The following SLC34A3 variants were observed in gnomAD, a reference collection of about 807,000 sequenced individuals.
SLC34A3 encodes sodium-dependent phosphate transport protein 2C.
A neutral mutation model predicts 43.9 loss-of-function variants in SLC34A3; 60 were observed. The ratio of observed to expected loss-of-function variants is 1.37; its 90% confidence interval spans 1.11 to 1.70. The LOEUF (loss-of-function observed/expected upper bound fraction) is 1.70, where lower values mean the gene tolerates loss of function less well. Ranked by LOEUF, SLC34A3 falls within the 40% of genes most tolerant of loss-of-function variation. The probability of loss-of-function intolerance (pLI) is 0.00; values close to 1 mark genes in which losing one functional copy is unlikely to be tolerated. For synonymous variants in SLC34A3, 451 were observed against 386.2 expected, an observed-to-expected ratio of 1.17 and a Z score of -1.97; for missense variants, 969 against 823.8, an observed-to-expected ratio of 1.18 and a Z score of -2.16.
chr9:137,235,568 C>T (rs967323329), intron 12 of SLC34A3, among the ~76,000 whole-genome samples: 7 of 152,210 alleles, frequency 4.6e-5, no homozygotes, highest in African/African-American at 1.7e-4. Context: ...CCTCCTGTGG[C>T]CCTGTGCCTC....
Position 137,236,020 on chromosome 9 carries a change from G to A in SLC34A3, c.1404G>A (p.Arg468=), listed in dbSNP as rs751060883. 5.0e-6 allele frequency: 8 copies of A among 1,612,508 alleles called. No individual in the cohort carries two copies. In the Admixed American group the frequency reaches 1.3e-4, roughly 27 times the overall value. ...TGTGGTACCTGGTGCCTGCACTGCG[G>A]CTGCCCATCCCGCTGGCCAGGCACT... is the stretch of plus-strand genomic sequence containing the variant. The part of the protein sequence containing the change: ...ILLWYLVPAL[R]LPIPLARHFG... The change falls in exon 13 of 13, where the codon CGG becomes CGA. Residue 468 remains arginine (R), a synonymous_variant. Transcript: ENST00000673835.
chr9:137,232,543 C>A (rs373774399), intron 3 of SLC34A3, 32 bp from the exon 4 acceptor site: 4 of 1,610,086 alleles, frequency 2.5e-6, no homozygotes, highest in African/African-American at 1.3e-5. Context: ...GGGTGGAGGG[C>A]CAGCCAGGGA....
At chr9:137,229,848 G>A (rs1350572524), upstream of SLC34A3, among the ~76,000 whole-genome samples, 1 of 152,180 alleles carries the variant, frequency 6.6e-6, no homozygotes, top group Non-Finnish European at 1.5e-5. Flanking sequence ...GCCGGGGCTG[G>A]GGCTGGGGCC....
chr9:137,232,964 C>G, intron 5 of SLC34A3, 37 bp downstream of exon 5: 2 of 1,603,594 alleles, frequency 1.2e-6, no homozygotes, highest in Non-Finnish European at 1.7e-6. Context: ...GTGGGGGGGG[C>G]AGGGTGGGCC....
Position 137,236,094 on chromosome 9 carries a change from T to C in SLC34A3, c.1478T>C (p.Leu493Pro). Residue 493 changes from leucine (L) to proline (P), a missense_variant, in exon 13 of 13, where the codon CTG becomes CCG. By Grantham distance (98) the Leu-to-Pro change is moderately conservative. Coordinates refer to ENST00000673835, the MANE Select transcript of SLC34A3 (RefSeq NM_001177316.2). ...RYRWVAGVYL[L>P]LGFLLLPLAA... ...CGCTGGGTGGCTGGGGTCTACCTGC[T>C]GCTCGGATTCCTGCTGCTGCCCCTG... The C allele has an allele frequency of 6.2e-7, 1 of 1,612,266 alleles. No homozygotes were observed.
chr9:137,236,202 T>C lies in SLC34A3; in HGVS notation c.1586T>C (p.Ile529Thr). ...GPLVGLVLLV[I>T]LVTVLQRRRP... Reference sequence around the variant, plus strand: ...CTGGTGGGGCTGGTGCTCCTCGTCATCCTGGTTACTGTCCTGCAGCGGCGC... The same window carrying C: ...CTGGTGGGGCTGGTGCTCCTCGTCACCCTGGTTACTGTCCTGCAGCGGCGC... Residue 529 changes from isoleucine (I) to threonine (T), a missense_variant, in exon 13 of 13, where the codon ATC becomes ACC. By Grantham distance (89) the Ile-to-Thr change is moderately conservative (BLOSUM62 -1). Coordinates refer to ENST00000673835, the MANE Select transcript of SLC34A3 (RefSeq NM_001177316.2). 1 of 1,595,624 alleles carries C rather than the reference T, an allele frequency of 6.3e-7. No individual in the cohort carries two copies. Among genetic ancestry groups the C allele is most frequent in the South Asian group, 1.1e-5 (1 of 89,666 alleles).
upstream of SLC34A3, among the ~76,000 whole-genome samples, chr9:137,230,590 G>A (rs1836158542): frequency 6.6e-6 from 1 of 152,200 alleles, no homozygotes; most frequent in Non-Finnish European, 1.5e-5. Flanking sequence ...TGGCTGGGTG[G>A]AGTGTGTCTC....
At position 137,231,664 on chromosome 9, in the gene SLC34A3, A is replaced by C. The variant is rs757676550; in HGVS notation, c.-39A>C. 39 of 1,542,812 alleles carry C rather than the reference A, an allele frequency of 2.5e-5. No individual in the cohort carries two copies. In the South Asian group the frequency reaches 4.4e-4, roughly 17 times the overall value. The stretch of plus-strand genomic sequence containing the variant: ...CTGACACGCGCGTCCCCCCCAGCAG[A>C]TCTAGACCTGGGCCTGGGTCTGTCC... On this transcript the variant is annotated splice_region_variant and 5_prime_UTR_variant, in exon 2 of 13. Transcript: ENST00000673835.
chr9:137,231,789 T>C lies in SLC34A3; in HGVS notation c.85+2T>C, dbSNP rs1165278842. 7 of 1,612,634 alleles carry C rather than the reference T, an allele frequency of 4.3e-6. No homozygotes were observed. Among genetic ancestry groups the C allele is most frequent in the Non-Finnish European group, 5.9e-6 (7 of 1,179,532 alleles). On this transcript the variant is annotated splice_donor_variant, in intron 2 of 12. Coordinates refer to ENST00000673835, the MANE Select transcript of SLC34A3 (RefSeq NM_001177316.2). LOFTEE classifies it high-confidence loss of function. ...TGGAAAAGACTCTGAGGAATGAAGG[T>C]ACCAGTGGCCCCTGTGCCCCAGGCC...
chr9:137,232,752 G>C, intron 4 of SLC34A3, 32 bp from the exon 5 acceptor site: 1 of 1,612,956 alleles, frequency 6.2e-7, no homozygotes, highest in South Asian at 1.1e-5. Flanking sequence ...CCAGCCCTCC[G>C]CAGCTTCAGC....
At chr9:137,231,887 A>AG in intron 2 of SLC34A3, 100 bp downstream of exon 2, 1 of 1,218,576 alleles carries the variant, frequency 8.2e-7, no homozygotes, top group Non-Finnish European at 1.2e-6. Flanking sequence ...CCTCCCGGGG[A>AG]ACCCACAGGG....
chr9:137,232,787 A>G lies in SLC34A3; in HGVS notation c.308A>G (p.Lys103Arg), dbSNP rs1433071727. 6.2e-7 allele frequency: 1 copy of G among 1,612,944 alleles called. No individual in the cohort carries two copies. The highest frequency in any genetic ancestry group is 1.7e-5 in the Admixed American group (1 of 60,002). The part of the protein sequence containing the change: ...LSSAFQLLGS[K>R]VAGDIFKDNV... Reference sequence around the variant, plus strand: ...CGCACCTCTCTTGCCGGTGTAGGCAAAGTGGCCGGAGACATCTTCAAGGAC... The same window carrying G: ...CGCACCTCTCTTGCCGGTGTAGGCAGAGTGGCCGGAGACATCTTCAAGGAC... The change falls in exon 5 of 13, where the codon AAA (lysine) becomes AGA (arginine). Residue 103 changes from lysine (K) to arginine (R), a missense_variant. Coordinates refer to ENST00000673835, the MANE Select transcript of SLC34A3 (RefSeq NM_001177316.2).
At position 137,233,172 on chromosome 9, in the gene SLC34A3, C is replaced by G. The variant is rs766131813; in HGVS notation, c.561-37C>G. 6 of 1,556,362 alleles carry G rather than the reference C, an allele frequency of 3.9e-6. No homozygotes were observed. The East Asian group carries it at 1.2e-4, about 31-fold the overall frequency. The stretch of plus-strand genomic sequence containing the variant: ...CTGCAGTGGCAGCCCCAGCCCGGGC[C>G]CCCCCACCTGACCCTGCCCACTCTC... On this transcript the variant is annotated intron_variant, in intron 6 of 12. Coordinates refer to ENST00000673835, the MANE Select transcript of SLC34A3 (RefSeq NM_001177316.2).
At chr9:137,229,935 G>A (rs957543078), upstream of SLC34A3, among the ~76,000 whole-genome samples, 1 of 152,142 alleles carries the variant, frequency 6.6e-6, no homozygotes, top group African/African-American at 2.4e-5. Context: ...TCACTCAGGA[G>A]CCCCAGGGAA....
At position 137,234,834 on chromosome 9, in the gene SLC34A3, C is replaced by A. The variant is rs550903005; in HGVS notation, c.1335+103C>A. 6.5e-6 allele frequency: 10 copies of A among 1,549,948 alleles called. No individual in the cohort carries two copies. In the African/African-American group the frequency reaches 1.4e-4, roughly 21 times the overall value. On this transcript the variant is annotated intron_variant, in intron 12 of 12. Coordinates refer to ENST00000673835, the MANE Select transcript of SLC34A3 (RefSeq NM_001177316.2). This position sits in a 1 kb window ranked among gnomAD's most constrained non-coding sequence, Gnocchi z 6.9. ...CGGGGCCCTAGGCTGGCTGTGCCCC[C>A]GCCTTCCTGGACCCCTTCCCTGGCC...
chr9:137,233,062 C>T lies in SLC34A3; in HGVS notation c.507C>T (p.Ile169=). ...IIMGVNVGTS[I]TSTLVSMAQS... Reference sequence around the variant, plus strand: ...TGGGTGTCAACGTAGGCACATCCATCACCAGCACCCTGGTCTCAATGGCGC... The same window carrying T: ...TGGGTGTCAACGTAGGCACATCCATTACCAGCACCCTGGTCTCAATGGCGC... The change falls in exon 6 of 13, where the codon ATC becomes ATT. Residue 169 remains isoleucine (I), a synonymous_variant. Transcript: ENST00000673835. 2 of 1,611,888 alleles carry T rather than the reference C, an allele frequency of 1.2e-6. No individual in the cohort carries two copies. Among genetic ancestry groups the T allele is most frequent in the Non-Finnish European group, 1.7e-6 (2 of 1,179,912 alleles).
At chr9:137,233,779 T>TTGGGGGGCCC in intron 8 of SLC34A3, 57 bp downstream of exon 8, 2 of 1,445,784 alleles carry the variant, frequency 1.4e-6, no homozygotes, top group Non-Finnish European at 1.9e-6. Context: ...TGCTGAGTCA[T>TTGGGGGGCCC]CCCGCCCCAC....
rs901061330 is a variant in SLC34A3, at chr9:137,234,201, G to A, written c.1018G>A (p.Val340Ile). ...CCTGCTGGTGCTCTGCGGCTGCCTG[G>A]TCCTCATAGTCAAGCTGCTCAACTC... is the stretch of plus-strand genomic sequence containing the variant. ...GSLLVLCGCL[V>I]LIVKLLNSVL... is the part of the protein sequence containing the mutation. Residue 340 changes from valine (V) to isoleucine (I), a missense_variant, in exon 10 of 13, where the codon GTC becomes ATC. Transcript: ENST00000673835. The surrounding 1 kb of genome is among the most constrained non-coding windows in gnomAD (Gnocchi z 6.9). 2.5e-6 allele frequency: 4 copies of A among 1,607,110 alleles called. No individual in the cohort carries two copies. The African/African-American group carries it at 4.0e-5, about 16-fold the overall frequency.
Position 137,236,321 on chromosome 9 carries a change from T to G in SLC34A3, c.1705T>G (p.Cys569Gly). ...LEPWDRLVTR[C>G]CPCNVCSPPK... ...GCCCTGGGACCGCCTGGTGACCCGC[T>G]GCTGCCCCTGCAACGTCTGCAGCCC... Residue 569 changes from cysteine (C) to glycine (G), a missense_variant, in exon 13 of 13, where the codon TGC becomes GGC. By Grantham distance (159) the Cys-to-Gly change is radical (BLOSUM62 -3). Transcript: ENST00000673835. The G allele has an allele frequency of 6.5e-7, 1 of 1,542,404 alleles. No individual in the cohort carries two copies.
Sources: gnomAD v4.1 joint callset for allele counts (sites outside exome capture counted in the v4.1 genomes callset) on GRCh38, gnomAD v4.1.1 for gene constraint, Gnocchi (gnomAD v3.1) non-coding constraint, MANE v1.5 for transcripts, NCBI Gene and HGNC (gene_info 2026-07-23, HGNC 2026-07-21) for gene names.